APAF1: variants seen among roughly 807,000 people sequenced by gnomAD.
APAF1 encodes apoptotic peptidase activating factor 1.
In APAF1, 91 loss-of-function variants were observed where a neutral mutation model predicts 152.4. That is an observed-to-expected ratio of 0.60 (90% CI 0.50 to 0.71). APAF1 has a LOEUF of 0.71. APAF1 is among the 30% of genes least tolerant of loss of function. The probability of loss-of-function intolerance (pLI) is 0.00; values close to 1 mark genes in which losing one functional copy is unlikely to be tolerated. For synonymous variants in APAF1, 484 were observed against 494.1 expected, an observed-to-expected ratio of 0.98 and a Z score of 0.27; for missense variants, 1,283 against 1,472.0, an observed-to-expected ratio of 0.87 and a Z score of 2.10.
chr12:98,653,525 C>T (rs544065483), intron 4 of APAF1, among the ~76,000 whole-genome samples: 20 of 150,124 alleles, frequency 1.3e-4, no homozygotes, highest in African/African-American at 4.6e-4. Context: ...GGCGTGGTGG[C>T]GCATGCCTGT....
At chr12:98,671,461 C>A in intron 11 of APAF1, 74 bp from the exon 12 acceptor site, 1 of 1,423,872 alleles carries the variant, frequency 7.0e-7, no homozygotes, top group Non-Finnish European at 9.9e-7. Flanking sequence ...TTTAAAGTGG[C>A]AAGATCACAG....
At chr12:98,728,441 C>T (rs886862681) in intron 26 of APAF1, among the ~76,000 whole-genome samples, 3 of 152,040 alleles carry the variant, frequency 2.0e-5, no homozygotes, top group Non-Finnish European at 2.9e-5. Flanking sequence ...TAATTAGTGC[C>T]GGGTGTGGTG....
chr12:98,650,493 A>G (rs1426690054), intron 4 of APAF1, among the ~76,000 whole-genome samples: 1 of 151,628 alleles, frequency 6.6e-6, no homozygotes, highest in Non-Finnish European at 1.5e-5. Context: ...TCTCAAAAAA[A>G]AGTTTTTTGT....
At chr12:98,714,941 C>T (rs1460625571) in intron 21 of APAF1, among the ~76,000 whole-genome samples, 1 of 150,422 alleles carries the variant, frequency 6.6e-6, no homozygotes, top group Non-Finnish European at 1.5e-5. Flanking sequence ...TCTCATTGCA[C>T]TGCCCACCAG....
intron 16 of APAF1, among the ~76,000 whole-genome samples, chr12:98,689,863 T>A (rs2097702368): frequency 6.6e-6 from 1 of 152,258 alleles, no homozygotes; most frequent in African/African-American, 2.4e-5. Flanking sequence ...GTTTGTCTTC[T>A]GATTTCCACT....
At chr12:98,723,523 A>G in intron 23 of APAF1, 116 bp from the exon 24 acceptor site, 2 of 1,080,446 alleles carry the variant, frequency 1.9e-6, no homozygotes, top group Non-Finnish European at 2.7e-6. Context: ...AGGGGTCAGA[A>G]CAGCCAGTGT....
In APAF1 at chr12:98,723,623, T is replaced by TG. The variant is rs199854014; in HGVS notation, c.3205-16_3205-15insG. On this transcript the variant is annotated splice_polypyrimidine_tract_variant and intron_variant, in intron 23 of 26. Transcript: ENST00000551964. ...TAAAAGTGTCAACCTCCAAGTGTTT[T>TG]TTTTTTTTTTTTAAGGTATGGAATA... 206 of 1,556,324 alleles carry TG rather than the reference T, an allele frequency of 1.3e-4. No homozygotes were observed. Among genetic ancestry groups the TG allele is most frequent in the Middle Eastern group, 6.9e-4 (4 of 5,812 alleles).
intron 15 of APAF1, among the ~76,000 whole-genome samples, chr12:98,684,799 G>A (rs879596900): frequency 5.3e-5 from 8 of 152,248 alleles, no homozygotes; most frequent in Admixed American, 6.5e-5. Context: ...TTGGCATTTT[G>A]TAGGTTGAGG....
At chr12:98,727,848 G>GGA (rs1245955144) in intron 26 of APAF1, among the ~76,000 whole-genome samples, 1 of 151,910 alleles carries the variant, frequency 6.6e-6, no homozygotes, top group Non-Finnish European at 1.5e-5. Flanking sequence ...GGCTGAGGCA[G>GGA]GAGAATCGCT....
rs144721573 is a variant in APAF1 at position 98,666,322 on chromosome 12, G to A, written c.1327G>A (p.Asp443Asn). The A allele has an allele frequency of 4.9e-4, 789 of 1,613,336 alleles. 1 individual carries two copies. The highest frequency in any genetic ancestry group is 1.3e-3 in the Admixed American group (78 of 59,972). ...FRYYLHDLQV[D>N]FLTEKNCSQL... ...TTATTATTTACATGATCTTCAAGTA[G>A]ATTTTCTTACAGAGAAGAATTGCAG... The change falls in exon 9 of 27, where the codon GAT becomes AAT. Residue 443 changes from aspartate (D) to asparagine (N), a missense_variant. Asp to Asn is a conservative substitution (Grantham distance 23). Coordinates refer to ENST00000551964, the MANE Select transcript of APAF1 (RefSeq NM_181861.2).
intron 26 of APAF1, among the ~76,000 whole-genome samples, chr12:98,728,937 CTG>C (rs1263754287): frequency 1.3e-5 from 2 of 152,138 alleles, no homozygotes; most frequent in East Asian, 3.9e-4. Context: ...CTCAAAAAGA[CTG>C]TGTTGAATGT....
intron 25 of APAF1, among the ~76,000 whole-genome samples, chr12:98,726,264 A>G (rs1395574759): frequency 6.6e-6 from 1 of 152,232 alleles, no homozygotes; most frequent in Non-Finnish European, 1.5e-5. Context: ...ATATAGTACC[A>G]TATGGAAAGA....
intron 15 of APAF1, among the ~76,000 whole-genome samples, chr12:98,684,265 T>C (rs184877149): frequency 6.6e-6 from 1 of 152,170 alleles, no homozygotes; most frequent in East Asian, 1.9e-4. Context: ...TATTTATTTA[T>C]TTATTTTTTC....
chr12:98,704,903 C>T (rs2097719716), intron 18 of APAF1, among the ~76,000 whole-genome samples: 1 of 152,118 alleles, frequency 6.6e-6, no homozygotes, highest in African/African-American at 2.4e-5. Context: ...CCTTAGCTTT[C>T]TGAGTAGCTG....
At chr12:98,682,183 A>T (rs545581054) in intron 14 of APAF1, among the ~76,000 whole-genome samples, 3 of 151,100 alleles carry the variant, frequency 2.0e-5, no homozygotes, top group Non-Finnish European at 4.4e-5. Flanking sequence ...CCTCCCGAGT[A>T]GCTGGGACTA....
At chr12:98,689,018 T>C (rs1422201608) in intron 16 of APAF1, among the ~76,000 whole-genome samples, 1 of 152,094 alleles carries the variant, frequency 6.6e-6, no homozygotes, top group Non-Finnish European at 1.5e-5. Flanking sequence ...TTTGCCTATG[T>C]TTCCCAGGCT....
intron 1 of APAF1, 59 bp downstream of exon 1, chr12:98,645,894 A>G (rs2097639451): frequency 6.6e-6 from 1 of 152,224 alleles, no homozygotes; most frequent in South Asian, 2.1e-4. Context: ...TTGGTAGCTG[A>G]TTTCAGGGAC....
In APAF1 at chr12:98,715,519, T is replaced by C. The variant is rs143528358; in HGVS notation, c.3051T>C (p.Thr1017=). The C allele has an allele frequency of 1.9e-6, 3 of 1,613,602 alleles. No individual in the cohort carries two copies. The highest frequency in any genetic ancestry group is 2.7e-5 in the African/African-American group (2 of 74,860). Residue 1017 remains threonine (T), a synonymous_variant, in exon 22 of 27, where the codon ACT becomes ACC. Transcript: ENST00000551964. ...TCCAGTTCACAGCCGATGAGAAGAC[T>C]CTTATTTCAAGTTCTGATGATGCTG... ...WHIQFTADEK[T]LISSSDDAEI... is the part of the protein sequence containing the mutation.
chr12:98,716,805 C>T (rs1417808471), intron 22 of APAF1, among the ~76,000 whole-genome samples: 6 of 152,056 alleles, frequency 3.9e-5, no homozygotes, highest in Admixed American at 2.6e-4. Flanking sequence ...TTAGATCTCC[C>T]GGACTGATAA....
Sources: gnomAD v4.1 joint callset for allele counts (sites outside exome capture counted in the v4.1 genomes callset) on GRCh38, gnomAD v4.1.1 for gene constraint, MANE v1.5 for transcripts, NCBI Gene and HGNC (gene_info 2026-07-23, HGNC 2026-07-21) for gene names.